The following PPARGC1A variants were observed in gnomAD, a reference collection of about 807,000 sequenced individuals.
The protein encoded by PPARGC1A is PPARG coactivator 1 alpha.
PPARGC1A carries 25 observed loss-of-function variants against 88.7 expected under a neutral mutation model. That is an observed-to-expected ratio of 0.28 (90% CI 0.21 to 0.39). PPARGC1A has a LOEUF of 0.39. Ranked by LOEUF, PPARGC1A falls within the 10% of genes least tolerant of loss-of-function variation. PPARGC1A has a pLI of 1.00. For missense variants in PPARGC1A, 880 were observed against 968.7 expected, an observed-to-expected ratio of 0.91 and a Z score of 1.22; for synonymous variants, 363 against 355.6, an observed-to-expected ratio of 1.02 and a Z score of -0.24.
the PPARGC1A span, among the ~76,000 whole-genome samples, chr4:23,969,060 T>C: frequency 1.3e-5 from 2 of 151,832 alleles, no homozygotes; most frequent in African/African-American, 2.4e-5. Flanking sequence ...ACTGGGAGAG[T>C]ATTAAGATTC....
the PPARGC1A span, among the ~76,000 whole-genome samples, chr4:24,131,329 A>G: frequency 6.6e-6 from 1 of 152,210 alleles, no homozygotes; most frequent in Non-Finnish European, 1.5e-5. Flanking sequence ...CACTAATTCT[A>G]TCACCACTCT....
chr4:24,423,950 C>T, the PPARGC1A span, among the ~76,000 whole-genome samples: 2 of 152,082 alleles, frequency 1.3e-5, no homozygotes, highest in Non-Finnish European at 2.9e-5. Context: ...CTTTTTGGCA[C>T]CTTTTCTAGA....
the PPARGC1A span, among the ~76,000 whole-genome samples, chr4:24,413,597 A>G: frequency 6.6e-6 from 1 of 152,306 alleles, no homozygotes; most frequent in African/African-American, 2.4e-5. Flanking sequence ...CTGGTATTTT[A>G]ACCCAGATCC....
chr4:24,171,908 C>G, the PPARGC1A span, among the ~76,000 whole-genome samples: 1,132 of 152,296 alleles, frequency 7.4e-3, 19 homozygotes, highest in African/African-American at 0.025. Context: ...ATGGGAAATT[C>G]ACAAATACAT....
the PPARGC1A span, among the ~76,000 whole-genome samples, chr4:24,331,282 C>A: frequency 6.6e-6 from 1 of 152,152 alleles, no homozygotes; most frequent in African/African-American, 2.4e-5. Flanking sequence ...CTGGAATACG[C>A]TTTCTTAGCT....
At chr4:24,126,302 C>CACACACACACACAG in the PPARGC1A span, among the ~76,000 whole-genome samples, 2 of 150,288 alleles carry the variant, frequency 1.3e-5, no homozygotes, top group Non-Finnish European at 3.0e-5. Flanking sequence ...CACACACACA[C>CACACACACACACAG]AGTCATTTTT....
At chr4:23,842,558 G>A (rs1727241944) in intron 2 of PPARGC1A, among the ~76,000 whole-genome samples, 1 of 152,088 alleles carries the variant, frequency 6.6e-6, no homozygotes, top group South Asian at 2.1e-4. Context: ...CAGCACTGTT[G>A]ACATATTAAG....
intron 2 of PPARGC1A, among the ~76,000 whole-genome samples, chr4:23,882,406 C>A (rs1187577157): frequency 6.6e-6 from 1 of 152,110 alleles, no homozygotes; most frequent in African/African-American, 2.4e-5. Flanking sequence ...GGTTTTTCAA[C>A]CTCAGTGCTT....
the PPARGC1A span, among the ~76,000 whole-genome samples, chr4:24,356,892 C>T: frequency 2.0e-5 from 3 of 152,148 alleles, no homozygotes; most frequent in Non-Finnish European, 4.4e-5. Context: ...CACCCAATTC[C>T]CCTCCATACC....
chr4:24,201,707 T>C, the PPARGC1A span, among the ~76,000 whole-genome samples: 2 of 152,198 alleles, frequency 1.3e-5, no homozygotes, highest in African/African-American at 4.8e-5. Flanking sequence ...ATAAAAATTA[T>C]GAAAGTCTCT....
At chr4:23,962,796 T>G in the PPARGC1A span, among the ~76,000 whole-genome samples, 15 of 152,100 alleles carry the variant, frequency 9.9e-5, no homozygotes, top group African/African-American at 3.6e-4. Context: ...CTCTTCCATT[T>G]CAATTGTCTC....
the PPARGC1A span, among the ~76,000 whole-genome samples, chr4:24,295,014 G>A: frequency 6.6e-6 from 1 of 152,208 alleles, no homozygotes; most frequent in Non-Finnish European, 1.5e-5. Flanking sequence ...GCAACTGATT[G>A]TGCTGTGGTC....
chr4:23,795,888 C>T lies in PPARGC1A; in HGVS notation c.2331G>A (p.Lys777=). The change falls in exon 13 of 13, where the codon AAG becomes AAA. Residue 777 remains lysine (K), a synonymous_variant. Transcript: ENST00000264867. ...NSDDFDPAST[K]SKYDSLDFDS... is the part of the protein sequence containing the mutation. ...CAAAATCCAGAGAGTCATACTTGCT[C>T]TTGGTGGAAGCAGGGTCAAAGTCAT... 1.2e-6 allele frequency: 2 copies of T among 1,611,654 alleles called. No homozygotes were observed. The highest frequency in any genetic ancestry group is 1.3e-5 in the African/African-American group (1 of 74,686).
At chr4:23,987,642 C>T in the PPARGC1A span, among the ~76,000 whole-genome samples, 1 of 151,950 alleles carries the variant, frequency 6.6e-6, no homozygotes, top group Non-Finnish European at 1.5e-5. Context: ...AGCATCTCAT[C>T]ATCCCTGTAT....
At chr4:24,234,866 G>C in the PPARGC1A span, among the ~76,000 whole-genome samples, 1 of 152,148 alleles carries the variant, frequency 6.6e-6, no homozygotes, top group African/African-American at 2.4e-5. Flanking sequence ...TTTCTGTTCT[G>C]TTCTTTCTTT....
chr4:24,286,053 A>C, the PPARGC1A span, among the ~76,000 whole-genome samples: 1 of 152,026 alleles, frequency 6.6e-6, no homozygotes, highest in Non-Finnish European at 1.5e-5. Context: ...AGCAGCCAAG[A>C]GCAAAATCCC....
At chr4:24,162,637 G>A in the PPARGC1A span, among the ~76,000 whole-genome samples, 2 of 149,870 alleles carry the variant, frequency 1.3e-5, no homozygotes, top group Non-Finnish European at 2.9e-5. Context: ...TGTCACCCAG[G>A]CTGGACTGCA....
At chr4:24,326,493 C>T in the PPARGC1A span, among the ~76,000 whole-genome samples, 1 of 151,858 alleles carries the variant, frequency 6.6e-6, no homozygotes, top group East Asian at 1.9e-4. Context: ...TTGCACCCGT[C>T]ATCCCAGCCT....
the PPARGC1A span, among the ~76,000 whole-genome samples, chr4:24,338,140 T>C: frequency 3.2e-4 from 49 of 152,214 alleles, no homozygotes; most frequent in African/African-American, 1.1e-3. Context: ...GGGCCCTGCC[T>C]TCTTTGTCTC....
Sources: gnomAD v4.1 joint callset for allele counts (sites outside exome capture counted in the v4.1 genomes callset) on GRCh38, gnomAD v4.1.1 for gene constraint, MANE v1.5 for transcripts, NCBI Gene and HGNC (gene_info 2026-07-23, HGNC 2026-07-21) for gene names.